Variants in RBFOX1 observed in about 807,000 individuals in gnomAD.
RBFOX1 encodes the protein RNA binding protein fox-1 homolog 1.
RBFOX1 carries 8 observed loss-of-function variants against 57.7 expected under a neutral mutation model. The observed-to-expected ratio is 0.14, with a 90% CI of 0.08 to 0.25. The LOEUF is 0.25. RBFOX1 is among the 10% of genes least tolerant of loss of function. RBFOX1 has a pLI of 1.00. For missense variants in RBFOX1, 611 were observed against 548.5 expected, an observed-to-expected ratio of 1.11 and a Z score of -1.14; for synonymous variants, 326 against 222.4, an observed-to-expected ratio of 1.47 and a Z score of -4.15.
intron 3 of RBFOX1, among the ~76,000 whole-genome samples, chr16:5,819,423 C>G (rs1352582655): frequency 3.3e-5 from 5 of 152,216 alleles, no homozygotes; most frequent in Non-Finnish European, 7.3e-5. Flanking sequence ...TGGTGCCTCT[C>G]TGCTTCCATC....
chr16:5,740,903 G>A (rs1040285829), intron 3 of RBFOX1, among the ~76,000 whole-genome samples: 6 of 152,162 alleles, frequency 3.9e-5, no homozygotes, highest in South Asian at 2.1e-4. Context: ...GGAAGTCACC[G>A]TTTGTTGTGT....
intron 3 of RBFOX1, among the ~76,000 whole-genome samples, chr16:6,662,361 G>A (rs939593957): frequency 2.5e-4 from 38 of 152,148 alleles, no homozygotes; most frequent in African/African-American, 8.7e-4. Flanking sequence ...ATATACACAT[G>A]TATCAAAAGG....
chr16:5,940,922 T>A (rs2059265622), intron 4 of RBFOX1, among the ~76,000 whole-genome samples: 1 of 152,154 alleles, frequency 6.6e-6, no homozygotes, highest in South Asian at 2.1e-4. Context: ...GATTTTGGAG[T>A]CAGACTGCCT....
chr16:5,777,123 A>C (rs1183341387), intron 3 of RBFOX1, among the ~76,000 whole-genome samples: 1 of 152,126 alleles, frequency 6.6e-6, no homozygotes, highest in Non-Finnish European at 1.5e-5. Context: ...ACACAAATTT[A>C]TTACCTTACA....
intron 3 of RBFOX1, among the ~76,000 whole-genome samples, chr16:5,836,820 G>A (rs1340545954): frequency 3.3e-5 from 5 of 152,182 alleles, no homozygotes; most frequent in African/African-American, 9.7e-5. Context: ...AAGGGGAGAA[G>A]CACCCAGATG....
intron 3 of RBFOX1, among the ~76,000 whole-genome samples, chr16:6,885,542 T>C (rs1194183529): frequency 1.4e-5 from 1 of 71,572 alleles, no homozygotes; most frequent in African/African-American, 5.4e-5. Context: ...ATTTTTTTTA[T>C]TTTTTTTGAA....
intron 3 of RBFOX1, among the ~76,000 whole-genome samples, chr16:6,960,123 C>T (rs1413856361): frequency 6.6e-6 from 1 of 152,034 alleles, no homozygotes; most frequent in Non-Finnish European, 1.5e-5. Context: ...TGAAGAAACT[C>T]CCCAGGTCTT....
intron 1 of RBFOX1, among the ~76,000 whole-genome samples, chr16:6,187,499 A>G (rs1463078797): frequency 1.3e-5 from 2 of 152,174 alleles, no homozygotes; most frequent in African/African-American, 4.8e-5. Flanking sequence ...TGGGGAATTT[A>G]AGAATTACTG....
chr16:6,477,187 T>G (rs1441537537), intron 2 of RBFOX1, among the ~76,000 whole-genome samples: 1 of 152,232 alleles, frequency 6.6e-6, no homozygotes, highest in Non-Finnish European at 1.5e-5. Flanking sequence ...TTTGACCTCC[T>G]TCCATGAATC....
chr16:7,029,518 G>C (rs1385313775), intron 3 of RBFOX1, among the ~76,000 whole-genome samples: 1 of 151,918 alleles, frequency 6.6e-6, no homozygotes, highest in African/African-American at 2.4e-5. Flanking sequence ...AATGAAGAGA[G>C]TGCTAGCTCT....
intron 1 of RBFOX1, among the ~76,000 whole-genome samples, chr16:5,400,310 C>G (rs1370422960): frequency 6.6e-6 from 1 of 152,084 alleles, no homozygotes; most frequent in Non-Finnish European, 1.5e-5. Flanking sequence ...TCAGGCTGGT[C>G]TGCAACTCCT....
At chr16:7,161,927 T>G (rs1211123732) in intron 4 of RBFOX1, among the ~76,000 whole-genome samples, 1 of 152,228 alleles carries the variant, frequency 6.6e-6, no homozygotes, top group South Asian at 2.1e-4. Flanking sequence ...ACTCAAAGGT[T>G]TTGGGGTTAC....
At chr16:6,278,377 C>CAAAAAAAAAAAAAAA (rs57523660) in intron 1 of RBFOX1, among the ~76,000 whole-genome samples, 1 of 28,070 alleles carries the variant, frequency 3.6e-5, no homozygotes, top group African/African-American at 1.3e-4. Context: ...TAGGACTCAC[C>CAAAAAAAAAAAAAAA]AAAAAAAAAA....
chr16:5,942,392 G>C (rs573433459), intron 4 of RBFOX1, among the ~76,000 whole-genome samples: 15 of 152,190 alleles, frequency 9.9e-5, no homozygotes, highest in Non-Finnish European at 1.6e-4. Context: ...TGAGTCATGA[G>C]TCACGGGTCT....
intron 4 of RBFOX1, among the ~76,000 whole-genome samples, chr16:7,479,548 C>T (rs369922008): frequency 1.8e-4 from 27 of 152,264 alleles, no homozygotes; most frequent in African/African-American, 6.3e-4. Context: ...CCTGCCTTTT[C>T]CCGGGTGAAG....
chr16:6,272,560 GC>G (rs2075322359), intron 1 of RBFOX1, among the ~76,000 whole-genome samples: 1 of 152,270 alleles, frequency 6.6e-6, no homozygotes, highest in Non-Finnish European at 1.5e-5. Flanking sequence ...ATCCCGGTAA[GC>G]TTTTTTGTGG....
chr16:6,730,893 C>T (rs1367798608), intron 3 of RBFOX1, among the ~76,000 whole-genome samples: 1 of 152,128 alleles, frequency 6.6e-6, no homozygotes, highest in Non-Finnish European at 1.5e-5. Flanking sequence ...ATTAGAATTA[C>T]CAAATATGGG....
At chr16:6,769,449 C>T (rs904294205) in intron 3 of RBFOX1, among the ~76,000 whole-genome samples, 1 of 152,200 alleles carries the variant, frequency 6.6e-6, no homozygotes, top group African/African-American at 2.4e-5. Context: ...GCTACATCTC[C>T]ACTGCAACAT....
intron 3 of RBFOX1, among the ~76,000 whole-genome samples, chr16:6,966,830 TC>T (rs2084323579): frequency 7.3e-6 from 1 of 137,754 alleles, no homozygotes. Flanking sequence ...TATCTATCTG[TC>T]TATCTATCTA....
Sources: gnomAD v4.1 joint callset for allele counts (sites outside exome capture counted in the v4.1 genomes callset) on GRCh38, gnomAD v4.1.1 for gene constraint, MANE v1.5 for transcripts, NCBI Gene and HGNC (gene_info 2026-07-23, HGNC 2026-07-21) for gene names.